The following NAB1 variants were observed in gnomAD, a reference collection of about 807,000 sequenced individuals.
NAB1 encodes the protein NGFI-A-binding protein 1.
Under a neutral mutation model 49.9 loss-of-function variants are expected in NAB1, and 25 were observed. The observed-to-expected ratio is 0.50, with a 90% confidence interval of 0.37 to 0.70. The LOEUF is 0.70. Ranked by LOEUF, NAB1 falls within the 30% of genes least tolerant of loss-of-function variation. The pLI is 0.00. For synonymous variants in NAB1, 198 were observed against 215.6 expected (o/e 0.92, Z 0.71); for missense variants, 489 against 575.9 (o/e 0.85, Z 1.54).
Position 190,669,240 on chromosome 2 carries a change from C to T in NAB1, c.820-1086C>T, listed in dbSNP as rs1694680246. 6.6e-6 allele frequency among the ~76,000 whole-genome samples: 1 copy of T among 152,152 alleles called. No individual in the cohort carries two copies. The highest frequency in any genetic ancestry group is 1.5e-5 in the Non-Finnish European group (1 of 68,032). On this transcript the variant is annotated intron_variant, in intron 4 of 9. Transcript: ENST00000337386. The surrounding 1 kb of genome is among the most constrained non-coding windows in gnomAD (Gnocchi z 4.3). ...ATTTTTCATTTAATATTTTTGGGTC[C>T]CAGTTGACCACAGGTAACTGAAACC...
In NAB1 at chr2:190,651,294, G is replaced by C. The variant is rs6733720; in HGVS notation, c.-197+1312G>C. On this transcript the variant is annotated intron_variant, in intron 2 of 9. Coordinates refer to ENST00000337386, the MANE Select transcript of NAB1 (RefSeq NM_005966.4). This position sits in a 1 kb window ranked among gnomAD's most constrained non-coding sequence, Gnocchi z 4.3. Reference sequence around the variant, plus strand: ...CAGTTGAGTAATCTCTTTTTTGTAAGTGGCAAATAACATCCACTGTCGTAT... The same window carrying C: ...CAGTTGAGTAATCTCTTTTTTGTAACTGGCAAATAACATCCACTGTCGTAT... Among the ~76,000 whole-genome samples the C allele has an allele frequency of 0.7, 105,774 of 152,054 alleles. 38,477 individuals carry two copies. The highest frequency in any genetic ancestry group is 0.82 in the Non-Finnish European group (55,451 of 67,970).
rs1284920152 is a variant in NAB1, at chr2:190,675,463, G to T, written c.1005+2311G>T. Among the ~76,000 whole-genome samples, 1 of 152,176 alleles carries T rather than the reference G, an allele frequency of 6.6e-6. No homozygotes were observed. Among genetic ancestry groups the T allele is most frequent in the Non-Finnish European group, 1.5e-5 (1 of 68,022 alleles). On this transcript the variant is annotated intron_variant, in intron 6 of 9. Transcript: ENST00000337386. The surrounding 1 kb of genome is among the most constrained non-coding windows in gnomAD (Gnocchi z 5.2). ...TATTAGAAGCACAAAGTGTTGGGCT[G>T]TAACATTAGATATGACCTTTCTGTT...
chr2:190,659,912 G>A lies in NAB1; in HGVS notation c.736G>A (p.Glu246Lys). Residue 246 changes from glutamate (E) to lysine (K), a missense_variant, in exon 4 of 10, where the codon GAG becomes AAG. This residue lies in a region of NAB1 where 204 missense variants were observed against 220.9 expected (regional missense o/e 0.92). Transcript: ENST00000337386. This position sits in a 1 kb window ranked among gnomAD's most constrained non-coding sequence, Gnocchi z 6.2. ...GATGAACGATGATGATCCACACAAA[G>A]AGGAGGAAATTCGGAAATACAGTGC... ...FEMNDDDPHK[E>K]EEIRKYSAIY... 1 of 1,614,236 alleles carries A rather than the reference G, an allele frequency of 6.2e-7. No homozygotes were observed.
rs1355738859 is a variant in NAB1 at position 190,679,988 on chromosome 2, CT to C, written c.1006-3749del. Among the ~76,000 whole-genome samples the C allele has an allele frequency of 6.6e-6, 1 of 152,202 alleles. No individual in the cohort carries two copies. The highest frequency in any genetic ancestry group is 1.5e-5 in the Non-Finnish European group (1 of 68,044). ...ACCGAATTCATCAGTGTTCTGGCCC[CT>C]CCCAGACCTCGTGATCTTGAGTTCC... On this transcript the variant is annotated intron_variant, in intron 6 of 9. Transcript: ENST00000337386. The surrounding 1 kb of genome is among the most constrained non-coding windows in gnomAD (Gnocchi z 5.3).
rs1402311841 is a variant in NAB1, at chr2:190,690,694, T to G, written c.*361T>G. On this transcript the variant is annotated 3_prime_UTR_variant, in exon 10 of 10. Transcript: ENST00000337386. ...TCTAGATGTTGAGACCTGTTTGGTC[T>G]AATAGATGTGGATACAGTTTATTTT... 1 of 167,836 alleles carries G rather than the reference T, an allele frequency of 6.0e-6. No individual in the cohort carries two copies. Among genetic ancestry groups the G allele is most frequent in the Non-Finnish European group, 1.3e-5 (1 of 77,484 alleles). 10.4% of individuals were successfully genotyped at this position (167,836 alleles called of 1,614,324 possible). A position where few individuals can be genotyped will look rare whatever the true frequency, so the allele number is the denominator to read the frequency against.
chr2:190,653,917 A>T (rs1040776526), intron 2 of NAB1: 2 of 152,160 alleles, frequency 1.3e-5, no homozygotes, highest in Admixed American at 6.5e-5. Flanking sequence ...AAGAAAGAAG[A>T]AGTATTAAGG....
intron 6 of NAB1, among the ~76,000 whole-genome samples, chr2:190,681,201 A>G (rs1695323776): frequency 6.6e-6 from 1 of 152,164 alleles, no homozygotes; most frequent in Non-Finnish European, 1.5e-5. Context: ...TGTAGCTGTA[A>G]AAAAAAGGAA....
rs745967087 is a variant in NAB1 at position 190,654,012 on chromosome 2, G to A, written c.-196-1965G>A. On this transcript the variant is annotated intron_variant, in intron 2 of 9. Coordinates refer to ENST00000337386, the MANE Select transcript of NAB1 (RefSeq NM_005966.4). The surrounding 1 kb of genome is among the most constrained non-coding windows in gnomAD (Gnocchi z 5.6). ...ATTCATTGAGATACTGGTTTACACA[G>A]AAGGCCTCCCCTTTGGAATATGAAA... 7.2e-5 allele frequency among the ~76,000 whole-genome samples: 11 copies of A among 152,196 alleles called. No homozygotes were observed. The highest frequency in any genetic ancestry group is 1.6e-4 in the Non-Finnish European group (11 of 68,038).
rs149773783 is a variant in NAB1 at position 190,659,567 on chromosome 2, G to C, written c.391G>C (p.Ala131Pro). ...REPHLKIPKC[A>P]ATTCVQSLGQ... ...ACCTCATTTAAAAATCCCCAAATGT[G>C]CTGCCACCACCTGTGTGCAGAGCTT... Residue 131 changes from alanine (A) to proline (P), a missense_variant, in exon 4 of 10, where the codon GCT becomes CCT. Around this residue, in one of 4 missense-constraint regions of NAB1, gnomAD observed 204 missense variants for 220.9 expected, o/e 0.92. Transcript: ENST00000337386. The surrounding 1 kb of genome is among the most constrained non-coding windows in gnomAD (Gnocchi z 6.2). The C allele has an allele frequency of 3.1e-6, 5 of 1,614,246 alleles. No homozygotes were observed. The highest frequency in any genetic ancestry group is 4.2e-6 in the Non-Finnish European group (5 of 1,180,042).
In NAB1 at chr2:190,652,765, C is replaced by T. The variant is rs945879392; in HGVS notation, c.-197+2783C>T. ...GGTAAATCACTGGAAGCTTGAAACA[C>T]ATACATGGGAGTTAGTACCTAGGCC... On this transcript the variant is annotated intron_variant, in intron 2 of 9. Coordinates refer to ENST00000337386, the MANE Select transcript of NAB1 (RefSeq NM_005966.4). This position sits in a 1 kb window ranked among gnomAD's most constrained non-coding sequence, Gnocchi z 4.2. Among the ~76,000 whole-genome samples the T allele has an allele frequency of 2.9e-4, 44 of 152,330 alleles. No homozygotes were observed. The highest frequency in any genetic ancestry group is 1.0e-3 in the African/African-American group (43 of 41,560).
In NAB1 at chr2:190,683,811, C is replaced by A. The variant is rs1380994156; in HGVS notation, c.1079C>A (p.Ala360Glu). Residue 360 changes from alanine to glutamate, a missense_variant, in exon 7 of 10, where the codon GCA becomes GAA. Physicochemically the swap from Ala to Glu is moderately radical, Grantham distance 107 (BLOSUM62 -1). Coordinates refer to ENST00000337386, the MANE Select transcript of NAB1 (RefSeq NM_005966.4). ...QQARAKSEEL[A>E]ALSSQQPEKV... ...GCTAGAGCTAAGAGTGAAGAACTTG[C>A]AGCTCTTAGTTCACAGGTAACATAA... 2.5e-6 allele frequency: 4 copies of A among 1,612,718 alleles called. 1 individual carries two copies. The African/African-American group carries it at 5.3e-5, about 22-fold the overall frequency.
Position 190,691,472 on chromosome 2 carries a change from G to GT in NAB1, c.*1145dup, listed in dbSNP as rs1164056699. On this transcript the variant is annotated 3_prime_UTR_variant, in exon 10 of 10. Transcript: ENST00000337386. This position sits in a 1 kb window ranked among gnomAD's most constrained non-coding sequence, Gnocchi z 4.1. ...TACACCTTTGAGATTTATGAATGCA[G>GT]TTTTTTCTTAAAATTTATTTTAACT... 1 of 152,094 alleles carries GT rather than the reference G, an allele frequency of 6.6e-6. No homozygotes were observed. Among genetic ancestry groups the GT allele is most frequent in the Non-Finnish European group, 1.5e-5 (1 of 67,968 alleles). 9.4% of individuals were successfully genotyped at this position (152,094 alleles called of 1,614,324 possible). A position where few individuals can be genotyped will look rare whatever the true frequency, so the allele number is the denominator to read the frequency against.
rs1695261564 is a variant in NAB1 at position 190,680,135 on chromosome 2, CT to C, written c.1006-3602del. ...CCAGTGTCCCTGTCACCACCCTGAACTCCCCTCCTCCGCGTACATTCTCCCC... is the reference window on the plus strand; with the variant it reads ...CCAGTGTCCCTGTCACCACCCTGAACCCCCTCCTCCGCGTACATTCTCCCC... On this transcript the variant is annotated intron_variant, in intron 6 of 9. Transcript: ENST00000337386. The surrounding 1 kb of genome is among the most constrained non-coding windows in gnomAD (Gnocchi z 5.2). Among the ~76,000 whole-genome samples, 1 of 152,164 alleles carries C rather than the reference CT, an allele frequency of 6.6e-6. No individual in the cohort carries two copies. Among genetic ancestry groups the C allele is most frequent in the Non-Finnish European group, 1.5e-5 (1 of 68,038 alleles).
intron 6 of NAB1, among the ~76,000 whole-genome samples, chr2:190,681,059 T>C (rs1377725577): frequency 6.6e-6 from 1 of 152,208 alleles, no homozygotes; most frequent in Non-Finnish European, 1.5e-5. Flanking sequence ...GCAAGTCATA[T>C]AGTTAAAGCC....
At chr2:190,668,166 A>AT (rs1694618959) in intron 4 of NAB1, among the ~76,000 whole-genome samples, 1 of 152,198 alleles carries the variant, frequency 6.6e-6, no homozygotes, top group African/African-American at 2.4e-5. Context: ...TGATTTAGAG[A>AT]AACTTTTCTG....
chr2:190,657,012 A>G lies in NAB1; in HGVS notation c.-20+859A>G, dbSNP rs1196831514. ...GTGTCTTCCACAGTCTATTTTGATC[A>G]TGTGTATGTATATACACATTACACA... On this transcript the variant is annotated intron_variant, in intron 3 of 9. Coordinates refer to ENST00000337386, the MANE Select transcript of NAB1 (RefSeq NM_005966.4). The surrounding 1 kb of genome is among the most constrained non-coding windows in gnomAD (Gnocchi z 4.4). Among the ~76,000 whole-genome samples, 2 of 152,146 alleles carry G rather than the reference A, an allele frequency of 1.3e-5. No homozygotes were observed. Among genetic ancestry groups the G allele is most frequent in the African/African-American group, 2.4e-5 (1 of 41,418 alleles).
rs1693509910 is a variant in NAB1, at chr2:190,649,186, G to GT, written c.-507dup. The GT allele has an allele frequency of 6.7e-6, 1 of 150,292 alleles. No homozygotes were observed. Among genetic ancestry groups the GT allele is most frequent in the South Asian group, 1.9e-4 (1 of 5,148 alleles). The allele number at this position is 150,292 out of a possible 1,614,324, so 9.3% of individuals were successfully genotyped here. A position where few individuals can be genotyped will look rare whatever the true frequency, so the allele number is the denominator to read the frequency against. On this transcript the variant is annotated 5_prime_UTR_variant, in exon 1 of 10. Transcript: ENST00000337386. This position sits in a 1 kb window ranked among gnomAD's most constrained non-coding sequence, Gnocchi z 6.1. Reference sequence around the variant, plus strand: ...GGCGGGAAGAAGCGGCGGGCCCGAGGTGGGGGGGAGCAGAGAGAGCGCGCC... The same window carrying GT: ...GGCGGGAAGAAGCGGCGGGCCCGAGGTTGGGGGGGAGCAGAGAGAGCGCGCC...
chr2:190,670,475 A>G lies in NAB1; in HGVS notation c.953+16A>G, dbSNP rs1694746834. ...GAACCACCAAGTAAGTATTTAACTAATCGTCATTATTTTTGCATTGCTTGA... is the reference window on the plus strand; with the variant it reads ...GAACCACCAAGTAAGTATTTAACTAGTCGTCATTATTTTTGCATTGCTTGA... On this transcript the variant is annotated intron_variant, in intron 5 of 9. Coordinates refer to ENST00000337386, the MANE Select transcript of NAB1 (RefSeq NM_005966.4). This position sits in a 1 kb window ranked among gnomAD's most constrained non-coding sequence, Gnocchi z 5.3. 1 of 1,611,524 alleles carries G rather than the reference A, an allele frequency of 6.2e-7. No individual in the cohort carries two copies. The highest frequency in any genetic ancestry group is 8.5e-7 in the Non-Finnish European group (1 of 1,178,906).
intron 9 of NAB1, among the ~76,000 whole-genome samples, chr2:190,688,434 T>C (rs1695729971): frequency 6.6e-6 from 1 of 152,230 alleles, no homozygotes; most frequent in Non-Finnish European, 1.5e-5. Flanking sequence ...TATTGCATAC[T>C]TGATTGTAGC....
Sources: gnomAD v4.1 joint callset for allele counts (sites outside exome capture counted in the v4.1 genomes callset) on GRCh38, gnomAD v4.1.1 for gene constraint, gnomAD v4.1.1 regional missense constraint, Gnocchi (gnomAD v3.1) non-coding constraint, MANE v1.5 for transcripts, NCBI Gene and HGNC (gene_info 2026-07-23, HGNC 2026-07-21) for gene names.